Variants in AGBL4 observed in about 807,000 individuals in gnomAD.
AGBL4 encodes the protein cytosolic carboxypeptidase 6.
AGBL4 carries 58 observed loss-of-function variants against 66.4 expected under a neutral mutation model. That is an observed-to-expected ratio of 0.87 (90% CI 0.71 to 1.09). AGBL4 has a LOEUF of 1.09. Among genes scored for constraint, AGBL4 ranks in the 50% least tolerant of loss-of-function variants. The pLI is 0.00. For synonymous variants in AGBL4, 234 were observed against 222.9 expected (o/e 1.05, Z -0.44); for missense variants, 579 against 631.0 (o/e 0.92, Z 0.88).
In AGBL4 at chr1:48,625,353, C is replaced by T. The variant is rs373196260; in HGVS notation, c.951+9140G>A. Among the ~76,000 whole-genome samples, 79 of 152,152 alleles carry T rather than the reference C, an allele frequency of 5.2e-4. 1 individual carries two copies. Among genetic ancestry groups the T allele is most frequent in the African/African-American group, 1.3e-3 (53 of 41,478 alleles). On this transcript the variant is annotated intron_variant, in intron 9 of 13. Transcript: ENST00000371839. ...AATAAGTGATTTTCTTCTTTCCTGC[C>T]TGCCTTTTCTCCCTCTCTCCTAACA...
chr1:49,242,952 A>G (rs116598485), intron 4 of AGBL4, among the ~76,000 whole-genome samples: 1,657 of 151,680 alleles, frequency 0.011, 25 homozygotes, highest in African/African-American at 0.038. Context: ...ACAGCCCCCT[A>G]TGAGAGGTGA....
chr1:48,842,072 G>T (rs1646818386), intron 6 of AGBL4, among the ~76,000 whole-genome samples: 1 of 152,088 alleles, frequency 6.6e-6, no homozygotes, highest in South Asian at 2.1e-4. Flanking sequence ...TAAACTCAGG[G>T]TTAGCTATGC....
At chr1:49,608,975 A>T (rs1645107431) in intron 3 of AGBL4, among the ~76,000 whole-genome samples, 1 of 152,102 alleles carries the variant, frequency 6.6e-6, no homozygotes. Context: ...TTTAAAAACC[A>T]AGTTTAATTT....
chr1:48,634,258 C>A, intron 9 of AGBL4: 1 of 355,338 alleles, frequency 2.8e-6, no homozygotes, highest in Non-Finnish European at 5.2e-6. Flanking sequence ...AATATATTTC[C>A]TTTAACCCTC....
chr1:49,054,521 A>T (rs1644275806), intron 4 of AGBL4, among the ~76,000 whole-genome samples: 1 of 152,016 alleles, frequency 6.6e-6, no homozygotes, highest in Non-Finnish European at 1.5e-5. Flanking sequence ...TATACTTGTT[A>T]AATCAACAAA....
At position 49,421,616 on chromosome 1, in the gene AGBL4, CTA is replaced by C. The variant is rs540115941; in HGVS notation, c.283-175754_283-175753del. Among the ~76,000 whole-genome samples the C allele has an allele frequency of 2.6e-3, 388 of 152,154 alleles. 1 individual carries two copies. The highest frequency in any genetic ancestry group is 9.1e-3 in the African/African-American group (377 of 41,522). On this transcript the variant is annotated intron_variant, in intron 3 of 13. Transcript: ENST00000371839. ...AGTGTCCAATGAGTCAAAATAAACACTAATAATAATAATAGTTAATGTTTATT... is the reference window on the plus strand; with the variant it reads ...AGTGTCCAATGAGTCAAAATAAACACATAATAATAATAGTTAATGTTTATT...
At chr1:49,397,693 C>G (rs1438478786) in intron 3 of AGBL4, among the ~76,000 whole-genome samples, 1 of 152,134 alleles carries the variant, frequency 6.6e-6, no homozygotes, top group Non-Finnish European at 1.5e-5. Context: ...CCTTATTTCA[C>G]CTTCTCCCTT....
At chr1:49,251,629 C>A (rs1346343664) in intron 3 of AGBL4, among the ~76,000 whole-genome samples, 2 of 152,224 alleles carry the variant, frequency 1.3e-5, no homozygotes, top group Non-Finnish European at 2.9e-5. Context: ...ACTTCATTGC[C>A]TTGTCACTGT....
At chr1:49,480,660 A>T (rs923829693) in intron 3 of AGBL4, among the ~76,000 whole-genome samples, 1 of 151,930 alleles carries the variant, frequency 6.6e-6, no homozygotes, top group African/African-American at 2.4e-5. Context: ...CCACTTGTCA[A>T]TTTTTGTTTC....
At chr1:49,403,267 G>C (rs927600481) in intron 3 of AGBL4, among the ~76,000 whole-genome samples, 3 of 151,888 alleles carry the variant, frequency 2.0e-5, no homozygotes, top group African/African-American at 7.3e-5. Flanking sequence ...TTTTTCTCTT[G>C]AAATGTATTT....
At chr1:48,905,812 A>T (rs1197165169) in intron 5 of AGBL4, among the ~76,000 whole-genome samples, 4 of 152,236 alleles carry the variant, frequency 2.6e-5, no homozygotes. Context: ...ATACTACCAC[A>T]GCAACAATTA....
intron 5 of AGBL4, among the ~76,000 whole-genome samples, chr1:49,019,631 G>C (rs1663088536): frequency 6.6e-6 from 1 of 152,140 alleles, no homozygotes; most frequent in Non-Finnish European, 1.5e-5. Flanking sequence ...AAGAAACAAA[G>C]TCTTCAGGAT....
intron 6 of AGBL4, among the ~76,000 whole-genome samples, chr1:48,668,422 C>T (rs1646223857): frequency 3.0e-5 from 3 of 100,206 alleles, no homozygotes; most frequent in Admixed American, 1.9e-4. Flanking sequence ...AGTCCAGCCC[C>T]CTTAGCCTAG....
At chr1:49,596,456 G>A (rs935906642) in intron 3 of AGBL4, among the ~76,000 whole-genome samples, 2 of 152,070 alleles carry the variant, frequency 1.3e-5, no homozygotes, top group Non-Finnish European at 2.9e-5. Context: ...CAGCTGTGAG[G>A]CACTACGCCC....
At chr1:49,291,266 CT>C (rs1358073854) in intron 3 of AGBL4, among the ~76,000 whole-genome samples, 1 of 152,118 alleles carries the variant, frequency 6.6e-6, no homozygotes, top group Non-Finnish European at 1.5e-5. Context: ...AGAAGACTCT[CT>C]TATATAAAGT....
At chr1:48,805,604 G>C (rs1645905280) in intron 6 of AGBL4, among the ~76,000 whole-genome samples, 1 of 152,188 alleles carries the variant, frequency 6.6e-6, no homozygotes, top group Non-Finnish European at 1.5e-5. Context: ...CAGTGAGGTA[G>C]TGCAAAAGAA....
chr1:49,821,301 T>C (rs1645364348), intron 2 of AGBL4, among the ~76,000 whole-genome samples: 1 of 152,196 alleles, frequency 6.6e-6, no homozygotes, highest in Admixed American at 6.5e-5. Flanking sequence ...TTAGAAGCTC[T>C]TCCTTTGGGT....
chr1:49,981,613 T>C (rs1181993140), intron 1 of AGBL4, among the ~76,000 whole-genome samples: 1 of 152,144 alleles, frequency 6.6e-6, no homozygotes, highest in East Asian at 1.9e-4. Context: ...ACAGGCTGTC[T>C]GCATTCAAAT....
intron 2 of AGBL4, among the ~76,000 whole-genome samples, chr1:49,803,921 AG>A (rs1644919362): frequency 6.6e-6 from 1 of 152,210 alleles, no homozygotes; most frequent in Admixed American, 6.5e-5. Context: ...TACTACTATT[AG>A]AAAGAAGTTA....
Sources: gnomAD v4.1 joint callset for allele counts (sites outside exome capture counted in the v4.1 genomes callset) on GRCh38, gnomAD v4.1.1 for gene constraint, MANE v1.5 for transcripts, NCBI Gene and HGNC (gene_info 2026-07-23, HGNC 2026-07-21) for gene names.